The following SMARCC1 variants were observed in gnomAD, a reference collection of about 807,000 sequenced individuals.
SMARCC1 encodes SWI/SNF complex subunit SMARCC1.
In SMARCC1, 43 loss-of-function variants were observed where a neutral mutation model predicts 147.4. The observed-to-expected ratio is 0.29, with a 90% CI of 0.23 to 0.38. SMARCC1 has a LOEUF of 0.38. SMARCC1 is among the 10% of genes least tolerant of loss of function. The probability of loss-of-function intolerance (pLI) is 1.00; values close to 1 mark genes in which losing one functional copy is unlikely to be tolerated. For missense variants in SMARCC1, 1,119 were observed against 1,381.1 expected, an observed-to-expected ratio of 0.81 and a Z score of 3.01; for synonymous variants, 495 against 484.4, an observed-to-expected ratio of 1.02 and a Z score of -0.29.
At chr3:47,722,820 T>C (rs1025822275) in intron 6 of SMARCC1, among the ~76,000 whole-genome samples, 1 of 152,026 alleles carries the variant, frequency 6.6e-6, no homozygotes, top group Non-Finnish European at 1.5e-5. Flanking sequence ...GAAAATAACA[T>C]ACCATGCAGA....
intron 25 of SMARCC1, chr3:47,610,670 G>A (rs1004620332): frequency 7.1e-6 from 2 of 280,266 alleles, no homozygotes; most frequent in Non-Finnish European, 1.4e-5. Flanking sequence ...ACTTTCTATG[G>A]CTGTCTGAGT....
chr3:47,586,107 G>A lies in SMARCC1; in HGVS notation c.*2102C>T, dbSNP rs993220121. The A allele has an allele frequency of 6.6e-6, 1 of 152,340 alleles. No homozygotes were observed. The highest frequency in any genetic ancestry group is 1.5e-5 in the Non-Finnish European group (1 of 68,004). The allele number at this position is 152,340 out of a possible 1,614,324, so 9.4% of individuals were successfully genotyped here. A position where few individuals can be genotyped will look rare whatever the true frequency, so the allele number is the denominator to read the frequency against. On this transcript the variant is annotated 3_prime_UTR_variant, in exon 28 of 28. Transcript: ENST00000254480. ...TAAAACCAGATCAAAGACATGAAAA[G>A]AAAAAGCCACCACTTATACTGAAAT...
chr3:47,696,467 A>T (rs1467341031), intron 11 of SMARCC1, among the ~76,000 whole-genome samples: 1 of 152,218 alleles, frequency 6.6e-6, no homozygotes, highest in Non-Finnish European at 1.5e-5. Context: ...CAAGTAGTAT[A>T]AGCAAAGGTT....
chr3:47,650,061 G>A (rs1478643051), intron 21 of SMARCC1, among the ~76,000 whole-genome samples: 1 of 151,958 alleles, frequency 6.6e-6, no homozygotes, highest in Non-Finnish European at 1.5e-5. Flanking sequence ...CGGATCACGA[G>A]GTCAGGAGAT....
intron 2 of SMARCC1, among the ~76,000 whole-genome samples, chr3:47,756,533 CAAAAAAA>C (rs11353915): frequency 2.4e-5 from 2 of 83,110 alleles, no homozygotes; most frequent in African/African-American, 9.4e-5. Flanking sequence ...AACTCCGTCT[CAAAAAAA>C]AAAAAAAAAA....
At chr3:47,680,050 CAGAT>C (rs2033623786) in intron 15 of SMARCC1, among the ~76,000 whole-genome samples, 1 of 151,948 alleles carries the variant, frequency 6.6e-6, no homozygotes, top group South Asian at 2.1e-4. Flanking sequence ...AAAAAATAAA[CAGAT>C]AGATAGATAA....
chr3:47,747,556 G>A (rs1460839113), intron 2 of SMARCC1, among the ~76,000 whole-genome samples: 3 of 149,706 alleles, frequency 2.0e-5, no homozygotes, highest in Non-Finnish European at 4.5e-5. Context: ...AGGATTGCAT[G>A]AGCATGGGAA....
At chr3:47,595,056 T>G (rs746965052) in intron 26 of SMARCC1, among the ~76,000 whole-genome samples, 4 of 152,146 alleles carry the variant, frequency 2.6e-5, no homozygotes, top group Non-Finnish European at 5.9e-5. Context: ...CCAGGTAATT[T>G]CCTGGAGAGT....
intron 2 of SMARCC1, among the ~76,000 whole-genome samples, chr3:47,754,349 C>T (rs148352458): frequency 4.1e-3 from 628 of 152,040 alleles, no homozygotes; most frequent in African/African-American, 0.014. Flanking sequence ...ACTGCAGGCG[C>T]GCACCACCAC....
At chr3:47,653,577 C>T (rs2033221179) in intron 21 of SMARCC1, among the ~76,000 whole-genome samples, 1 of 152,184 alleles carries the variant, frequency 6.6e-6, no homozygotes, top group Admixed American at 6.6e-5. Context: ...ACGTAAGAGA[C>T]ATACTGTTGA....
At chr3:47,764,069 C>T (rs535121444) in intron 2 of SMARCC1, among the ~76,000 whole-genome samples, 1 of 152,122 alleles carries the variant, frequency 6.6e-6, no homozygotes, top group South Asian at 2.1e-4. Flanking sequence ...GGATTTCGCT[C>T]TATCACTCAG....
chr3:47,619,831 T>C (rs1470204407), intron 25 of SMARCC1, among the ~76,000 whole-genome samples: 1 of 152,184 alleles, frequency 6.6e-6, no homozygotes, highest in Non-Finnish European at 1.5e-5. Context: ...AAGCAGCCTC[T>C]TCCTACTTTT....
intron 25 of SMARCC1, among the ~76,000 whole-genome samples, chr3:47,613,789 C>A (rs933179786): frequency 3.3e-5 from 5 of 152,182 alleles, no homozygotes; most frequent in African/African-American, 1.2e-4. Context: ...CCTGAGCCCC[C>A]ACTTCCCCTG....
chr3:47,703,415 C>A (rs998600883), intron 10 of SMARCC1, among the ~76,000 whole-genome samples: 1 of 152,130 alleles, frequency 6.6e-6, no homozygotes, highest in Non-Finnish European at 1.5e-5. Context: ...ATTTATTCCT[C>A]AGCAGATGTT....
At chr3:47,759,185 TA>T (rs1455832043) in intron 2 of SMARCC1, among the ~76,000 whole-genome samples, 1 of 151,876 alleles carries the variant, frequency 6.6e-6, no homozygotes, top group African/African-American at 2.4e-5. Context: ...CTAATTTTGA[TA>T]TTTTTTTGTA....
Position 47,636,102 on chromosome 3 carries a change from C to G in SMARCC1, c.2411G>C (p.Gly804Ala). ...ATTTTCTCCATCTTGTGCTTTATCA[C>G]CTTCATCCGTTTCATTTTCCACTTT... Reference protein sequence around the residue: ...ENKVENETDEGDKAQDGENEK... With the variant: ...ENKVENETDEADKAQDGENEK... The change falls in exon 23 of 28, where the codon GGT (glycine) becomes GCT (alanine). Residue 804 changes from glycine to alanine, a missense_variant. Gly to Ala is a moderately conservative substitution (Grantham distance 60, BLOSUM62 0). Coordinates refer to ENST00000254480, the MANE Select transcript of SMARCC1 (RefSeq NM_003074.4). The G allele has an allele frequency of 6.2e-7, 1 of 1,608,392 alleles. No homozygotes were observed. Among genetic ancestry groups the G allele is most frequent in the Non-Finnish European group, 8.5e-7 (1 of 1,175,742 alleles).
rs2032089036 is a variant in SMARCC1, at chr3:47,587,387, C to G, written c.*822G>C. 6.6e-6 allele frequency: 1 copy of G among 152,196 alleles called. No individual in the cohort carries two copies. The highest frequency in any genetic ancestry group is 1.5e-5 in the Non-Finnish European group (1 of 68,054). The allele number at this position is 152,196 out of a possible 1,614,324, so 9.4% of individuals were successfully genotyped here. ...AGGAATGCCTCCCAATATTCCAACCCTCAAAGCTCACACTGCCCCCAGAAA... is the reference window on the plus strand; with the variant it reads ...AGGAATGCCTCCCAATATTCCAACCGTCAAAGCTCACACTGCCCCCAGAAA... On this transcript the variant is annotated 3_prime_UTR_variant, in exon 28 of 28. Transcript: ENST00000254480.
At chr3:47,770,404 T>C (rs574689066) in intron 2 of SMARCC1, among the ~76,000 whole-genome samples, 21 of 151,958 alleles carry the variant, frequency 1.4e-4, no homozygotes, top group African/African-American at 4.8e-4. Context: ...GTGGATCACC[T>C]GAGATCAGGA....
At chr3:47,702,579 G>C (rs2033936989) in intron 10 of SMARCC1, among the ~76,000 whole-genome samples, 2 of 152,118 alleles carry the variant, frequency 1.3e-5, no homozygotes, top group Non-Finnish European at 2.9e-5. Flanking sequence ...AACAGGGCGA[G>C]ACCCCATCTC....
Sources: allele counts gnomAD v4.1 joint callset (sites outside exome capture counted in the v4.1 genomes callset), GRCh38; gene constraint gnomAD v4.1.1; transcripts MANE v1.5; gene names NCBI Gene and HGNC (gene_info 2026-07-23, HGNC 2026-07-21).